Variants in IARS1 observed in about 807,000 individuals in gnomAD.
The protein encoded by IARS1 is isoleucyl-tRNA synthetase 1.
IARS1 carries 124 observed loss-of-function variants against 168.2 expected under a neutral mutation model. The observed-to-expected ratio is 0.74, with a 90% confidence interval of 0.64 to 0.86. IARS1 has a LOEUF of 0.86. IARS1 is among the 40% of genes least tolerant of loss of function. IARS1 has a pLI of 0.00. For missense variants in IARS1, 1,452 were observed against 1,515.8 expected, an observed-to-expected ratio of 0.96 and a Z score of 0.70; for synonymous variants, 532 against 529.4, an observed-to-expected ratio of 1.00 and a Z score of -0.07.
chr9:92,214,704 C>G (rs933481359), intron 33 of IARS1, among the ~76,000 whole-genome samples: 9 of 152,224 alleles, frequency 5.9e-5, no homozygotes, highest in African/African-American at 1.7e-4. Flanking sequence ...GAATACTGCG[C>G]TTTTCCGATG....
In IARS1 at chr9:92,256,716, G is replaced by A; in HGVS notation, c.2101C>T (p.Gln701Ter). ...GTCTCAAAGAAGCCAATGAGAGACT[G>A]CATGAAGGACAGGATCCACCGGTCT... The part of the protein sequence containing the change: ...ITDRWILSFM[Q>*]SLIGFFETEM... Residue 701 changes from glutamine to a stop codon, truncating the protein, a stop_gained, in exon 20 of 34, where the codon CAG becomes TAG. Transcript: ENST00000443024. LOFTEE classifies it high-confidence loss of function. The A allele has an allele frequency of 6.2e-7, 1 of 1,613,856 alleles. No homozygotes were observed. The highest frequency in any genetic ancestry group is 8.5e-7 in the Non-Finnish European group (1 of 1,179,832).
rs749242031 is a variant in IARS1 at position 92,242,220 on chromosome 9, T to C, written c.3111A>G (p.Ile1037Met). 3 of 1,614,164 alleles carry C rather than the reference T, an allele frequency of 1.9e-6. No individual in the cohort carries two copies. The highest frequency in any genetic ancestry group is 2.5e-6 in the Non-Finnish European group (3 of 1,179,968). Residue 1037 changes from isoleucine to methionine, a missense_variant, in exon 29 of 34, where the codon ATA becomes ATG. Transcript: ENST00000443024. ...CTGGATATGGTTTCAAGGGAGCCTT[T>C]ATGGTGGTAAATATGAACTCTGTGT... is the stretch of plus-strand genomic sequence containing the variant. ...ESHTEFIFTT[I>M]KAPLKPYPVS... is the part of the protein sequence containing the mutation.
intron 1 of IARS1, among the ~76,000 whole-genome samples, chr9:92,290,307 T>A (rs1175551041): frequency 6.6e-6 from 1 of 152,232 alleles, no homozygotes; most frequent in Non-Finnish European, 1.5e-5. Context: ...GGACTAATGA[T>A]GCTGAGCATC....
intron 32 of IARS1, 34 bp from the exon 33 acceptor site, chr9:92,222,706 G>GA: frequency 6.2e-7 from 1 of 1,610,802 alleles, no homozygotes; most frequent in Non-Finnish European, 8.5e-7. Flanking sequence ...ATTAAATCTC[G>GA]AGAGTTCACC....
chr9:92,268,071 A>G (rs952654601), intron 14 of IARS1, 103 bp downstream of exon 14: 3 of 1,186,498 alleles, frequency 2.5e-6, no homozygotes, highest in African/African-American at 1.6e-5. Flanking sequence ...GAAATAAGAA[A>G]GGGGCAAAGA....
At chr9:92,219,000 C>A (rs1839236821) in intron 33 of IARS1, among the ~76,000 whole-genome samples, 1 of 152,184 alleles carries the variant, frequency 6.6e-6, no homozygotes, top group South Asian at 2.1e-4. Flanking sequence ...CTGGAGGCAT[C>A]ACACTACCTG....
At chr9:92,285,692 TG>T (rs1554730779) in intron 6 of IARS1, 29 bp downstream of exon 6, 2 of 1,367,682 alleles carry the variant, frequency 1.5e-6, no homozygotes, top group African/African-American at 2.9e-5. Flanking sequence ...CAAAACTCAA[TG>T]CTGAATAATG....
In IARS1 at chr9:92,276,047, G is replaced by T. The variant is rs546500401; in HGVS notation, c.895-1526C>A. ...TCAATAGGTTTTGTGATTCAGAAAG[G>T]TGAGAGTCACTGATCCAGTGGAAGA... On this transcript the variant is annotated intron_variant, in intron 9 of 33. Transcript: ENST00000443024. Among the ~76,000 whole-genome samples, 16 of 152,292 alleles carry T rather than the reference G, an allele frequency of 1.1e-4. No individual in the cohort carries two copies. The South Asian group carries it at 3.1e-3, about 30-fold the overall frequency.
At chr9:92,263,155 A>T in intron 16 of IARS1, 100 bp from the exon 17 acceptor site, 3 of 798,146 alleles carry the variant, frequency 3.8e-6, no homozygotes, top group Middle Eastern at 4.6e-4. Flanking sequence ...TTGATAAGTC[A>T]CACTTCTTGA....
At chr9:92,241,181 T>G (rs1164292757) in intron 29 of IARS1, among the ~76,000 whole-genome samples, 1 of 152,118 alleles carries the variant, frequency 6.6e-6, no homozygotes, top group Admixed American at 6.6e-5. Context: ...TTAAAAAAAG[T>G]CAAATAATTA....
At chr9:92,254,850 C>T (rs912250793) in intron 20 of IARS1, among the ~76,000 whole-genome samples, 1 of 152,122 alleles carries the variant, frequency 6.6e-6, no homozygotes, top group Non-Finnish European at 1.5e-5. Flanking sequence ...CCGGCAGAAC[C>T]GGGACTTAAA....
At chr9:92,279,403 A>G (rs1834211091) in intron 7 of IARS1, among the ~76,000 whole-genome samples, 1 of 152,200 alleles carries the variant, frequency 6.6e-6, no homozygotes, top group African/African-American at 2.4e-5. Context: ...GTGACCCACC[A>G]GTGACATAGG....
intron 10 of IARS1, 118 bp downstream of exon 10, chr9:92,274,308 C>A: frequency 1.4e-6 from 1 of 699,652 alleles, no homozygotes; most frequent in Non-Finnish European, 2.6e-6. Context: ...ATCTTGCAGG[C>A]AGTGAGCCAG....
chr9:92,227,677 A>G (rs1188596148), intron 31 of IARS1, among the ~76,000 whole-genome samples: 1 of 146,024 alleles, frequency 6.8e-6, no homozygotes, highest in Non-Finnish European at 1.5e-5. Context: ...CCGGGCAGAG[A>G]CGCTCCTCAC....
intron 14 of IARS1, among the ~76,000 whole-genome samples, chr9:92,267,476 G>A (rs536774495): frequency 1.3e-5 from 2 of 152,136 alleles, no homozygotes; most frequent in Non-Finnish European, 1.5e-5. Context: ...GTCATTGAGA[G>A]GTCCCAGTAG....
chr9:92,211,574 T>C (rs1837771304), intron 33 of IARS1, among the ~76,000 whole-genome samples: 1 of 152,032 alleles, frequency 6.6e-6, no homozygotes, highest in Non-Finnish European at 1.5e-5. Flanking sequence ...GCAGGTGGAG[T>C]TAGATATCGG....
chr9:92,239,172 C>T (rs1027955495), intron 30 of IARS1, among the ~76,000 whole-genome samples: 13 of 152,074 alleles, frequency 8.5e-5, no homozygotes, highest in Non-Finnish European at 1.8e-4. Flanking sequence ...TCTGGATTCC[C>T]TCTTTCATTA....
chr9:92,280,923 T>C (rs1352204563), intron 6 of IARS1, 30 bp from the exon 7 acceptor site: 8 of 1,547,106 alleles, frequency 5.2e-6, no homozygotes, highest in Middle Eastern at 1.7e-4. Flanking sequence ...AGTATTGTTT[T>C]AGAAATCCAC....
Position 92,280,752 on chromosome 9 carries a change from T to C in IARS1, c.739A>G (p.Ile247Val). Reference protein sequence around the residue: ...CVNPEMQYVKIKDVARGRLLI... With the variant: ...CVNPEMQYVKVKDVARGRLLI... ...TAACCAGCCTCCCACTTACCTTTAA[T>C]TTTCACATATTGCATTTCTGGATTA... Residue 247 changes from isoleucine to valine, a missense_variant, in exon 7 of 34, where the codon ATT becomes GTT. Coordinates refer to ENST00000443024, the MANE Select transcript of IARS1 (RefSeq NM_002161.6). 1.2e-6 allele frequency: 2 copies of C among 1,607,208 alleles called. No individual in the cohort carries two copies. The highest frequency in any genetic ancestry group is 2.7e-5 in the African/African-American group (2 of 74,858).
Sources: allele counts gnomAD v4.1 joint callset (sites outside exome capture counted in the v4.1 genomes callset), GRCh38; gene constraint gnomAD v4.1.1; transcripts MANE v1.5; gene names NCBI Gene and HGNC (gene_info 2026-07-23, HGNC 2026-07-21).